HRH1: variants seen among roughly 807,000 people sequenced by gnomAD.
The protein encoded by HRH1 is histamine H1 receptor.
Under a neutral mutation model 10.3 loss-of-function variants are expected in HRH1, and 6 were observed. That is an observed-to-expected ratio of 0.58 (90% CI 0.32 to 1.15). HRH1 has a LOEUF of 1.15. Ranked by LOEUF, HRH1 falls within the 50% of genes most tolerant of loss-of-function variation. The pLI is 0.05. For missense variants in HRH1, 514 were observed against 615.3 expected (o/e 0.84, Z 1.74); for synonymous variants, 242 against 236.7 (o/e 1.02, Z -0.21).
At chr3:11,220,329 C>T (rs939288699) in intron 1 of HRH1, among the ~76,000 whole-genome samples, 23 of 152,132 alleles carry the variant, frequency 1.5e-4, no homozygotes, top group African/African-American at 4.6e-4. Context: ...TTGGTAAAGC[C>T]GCCTGTCTCT....
At chr3:11,196,029 G>A (rs565623498) in intron 1 of HRH1, among the ~76,000 whole-genome samples, 4 of 152,320 alleles carry the variant, frequency 2.6e-5, no homozygotes, top group African/African-American at 9.6e-5. Flanking sequence ...AAGGGACTCC[G>A]CACTCTGGCC....
chr3:11,212,094 C>T (rs1029059700), intron 1 of HRH1, among the ~76,000 whole-genome samples: 6 of 152,076 alleles, frequency 3.9e-5, no homozygotes, highest in South Asian at 2.1e-4. Context: ...CCAGGGCACA[C>T]GCTTGCTGTC....
At chr3:11,160,463 A>G (rs1430924739) in intron 1 of HRH1, among the ~76,000 whole-genome samples, 2 of 152,208 alleles carry the variant, frequency 1.3e-5, no homozygotes, top group Non-Finnish European at 2.9e-5. Flanking sequence ...TAATGGTTTC[A>G]TATTTTAGAC....
At chr3:11,217,581 A>G (rs1396349146) in intron 1 of HRH1, among the ~76,000 whole-genome samples, 1 of 152,122 alleles carries the variant, frequency 6.6e-6, no homozygotes, top group African/African-American at 2.4e-5. Flanking sequence ...TGAGGGAGGG[A>G]GAAATGGAGA....
chr3:11,168,973 C>T (rs1027091024), intron 1 of HRH1, among the ~76,000 whole-genome samples: 3 of 151,420 alleles, frequency 2.0e-5, no homozygotes, highest in African/African-American at 4.9e-5. Context: ...CTTTGCAGAG[C>T]CTGGGGGAAT....
chr3:11,156,629 C>T (rs114738516), intron 1 of HRH1, among the ~76,000 whole-genome samples: 12 of 152,348 alleles, frequency 7.9e-5, no homozygotes, highest in Non-Finnish European at 1.3e-4. Context: ...TGCTACACGT[C>T]TCCGTTCCTT....
intron 1 of HRH1, among the ~76,000 whole-genome samples, chr3:11,202,702 A>G (rs1390001124): frequency 6.6e-6 from 1 of 152,216 alleles, no homozygotes; most frequent in Non-Finnish European, 1.5e-5. Flanking sequence ...AGTCCCCTGC[A>G]CTGTCAACAT....
At chr3:11,219,950 G>GTTT (rs552227637) in intron 1 of HRH1, among the ~76,000 whole-genome samples, 33 of 110,330 alleles carry the variant, frequency 3.0e-4, no homozygotes, top group African/African-American at 7.8e-4. Flanking sequence ...TTAATGTGTT[G>GTTT]TTTTTTTTTT....
At chr3:11,226,948 C>T (rs1025667718) in intron 1 of HRH1, among the ~76,000 whole-genome samples, 1 of 151,110 alleles carries the variant, frequency 6.6e-6, no homozygotes, top group Non-Finnish European at 1.5e-5. Context: ...ACCCTTGTAT[C>T]ACACATGTGG....
At chr3:11,166,502 G>A (rs770714534) in intron 1 of HRH1, among the ~76,000 whole-genome samples, 14 of 152,146 alleles carry the variant, frequency 9.2e-5, no homozygotes, top group South Asian at 2.1e-4. Context: ...TGTACTTTCC[G>A]GCTTCTCCAG....
chr3:11,229,604 T>C (rs1938988759), intron 1 of HRH1, among the ~76,000 whole-genome samples: 1 of 152,128 alleles, frequency 6.6e-6, no homozygotes, highest in African/African-American at 2.4e-5. Flanking sequence ...GAGTCTCAAT[T>C]TGGTGCTGGG....
intron 1 of HRH1, among the ~76,000 whole-genome samples, chr3:11,182,872 T>A (rs1937384154): frequency 6.6e-6 from 1 of 152,178 alleles, no homozygotes; most frequent in East Asian, 1.9e-4. Flanking sequence ...AACCCAGGAT[T>A]TTCCAGGCCC....
intron 1 of HRH1, among the ~76,000 whole-genome samples, chr3:11,226,836 G>T (rs112965171): frequency 6.6e-5 from 10 of 150,576 alleles, no homozygotes; most frequent in Non-Finnish European, 1.2e-4. Flanking sequence ...GTAGTGAGCC[G>T]AGATGGCACC....
At chr3:11,179,927 T>C (rs2125016376) in intron 1 of HRH1, among the ~76,000 whole-genome samples, 1 of 151,922 alleles carries the variant, frequency 6.6e-6, no homozygotes, top group East Asian at 2.0e-4. Context: ...TGCGCCACCA[T>C]GTCTGGCTAA....
At chr3:11,169,060 G>A (rs1328874571) in intron 1 of HRH1, among the ~76,000 whole-genome samples, 2 of 152,208 alleles carry the variant, frequency 1.3e-5, no homozygotes, top group East Asian at 3.9e-4. Flanking sequence ...ACAGGGCAGG[G>A]TGGTATAGTG....
rs200397784 is a variant in HRH1 at position 11,259,754 on chromosome 3, G to A, written c.717G>A (p.Leu239=). The part of the protein sequence containing the change: ...RSLPSFSEIK[L]RPENPKGDAK... ...TCCCTTCCTTCTCAGAAATTAAGCT[G>A]AGGCCAGAGAACCCCAAGGGGGATG... Residue 239 remains leucine (L), a synonymous_variant, in exon 2 of 2, where the codon CTG becomes CTA. Coordinates refer to ENST00000431010, the MANE Select transcript of HRH1 (RefSeq NM_001098212.2). The surrounding 1 kb of genome is among the most constrained non-coding windows in gnomAD (Gnocchi z 4.6). 1.2e-4 allele frequency: 200 copies of A among 1,614,036 alleles called. No homozygotes were observed. The highest frequency in any genetic ancestry group is 1.6e-4 in the Non-Finnish European group (193 of 1,180,020).
chr3:11,221,531 G>A (rs925353015), intron 1 of HRH1, among the ~76,000 whole-genome samples: 13 of 151,560 alleles, frequency 8.6e-5, no homozygotes, highest in African/African-American at 2.9e-4. Flanking sequence ...CTCCAGCCTG[G>A]GCAACGGAGC....
chr3:11,237,447 C>T (rs528289395), intron 1 of HRH1, among the ~76,000 whole-genome samples: 29 of 152,218 alleles, frequency 1.9e-4, no homozygotes, highest in African/African-American at 6.7e-4. Flanking sequence ...GCTCTTCAGT[C>T]ACTCTGGGAT....
chr3:11,223,811 T>G (rs1938792926), intron 1 of HRH1, among the ~76,000 whole-genome samples: 1 of 152,214 alleles, frequency 6.6e-6, no homozygotes, highest in Non-Finnish European at 1.5e-5. Flanking sequence ...CTGGAGAAGT[T>G]GAGAGAAGGG....
Sources: gnomAD v4.1 joint callset for allele counts (sites outside exome capture counted in the v4.1 genomes callset) on GRCh38, gnomAD v4.1.1 for gene constraint, Gnocchi (gnomAD v3.1) non-coding constraint, MANE v1.5 for transcripts, NCBI Gene and HGNC (gene_info 2026-07-23, HGNC 2026-07-21) for gene names.